Variants in TJP1 observed in about 807,000 individuals in gnomAD.
The protein encoded by TJP1 is tight junction protein ZO-1.
A neutral mutation model predicts 194.2 loss-of-function variants in TJP1; 43 were observed. The observed-to-expected ratio is 0.22, with a 90% CI of 0.17 to 0.29. TJP1 has a LOEUF of 0.29. Among genes scored for constraint, TJP1 ranks in the 10% least tolerant of loss-of-function variants. TJP1 has a pLI of 1.00. For synonymous variants in TJP1, 801 were observed against 779.0 expected (o/e 1.03, Z -0.47); for missense variants, 1,971 against 2,185.7 (o/e 0.90, Z 1.96).
intron 2 of TJP1, among the ~76,000 whole-genome samples, chr15:29,854,541 C>A (rs765160933): frequency 1.3e-5 from 2 of 152,102 alleles, no homozygotes; most frequent in Admixed American, 6.5e-5. Flanking sequence ...AGGGCATCAC[C>A]AGAAGCTGGG....
intron 8 of TJP1, among the ~76,000 whole-genome samples, chr15:29,756,144 A>G (rs556832964): frequency 3.9e-5 from 6 of 152,200 alleles, no homozygotes; most frequent in African/African-American, 1.4e-4. Context: ...TCTCTTTTCA[A>G]TGATACCCAC....
intron 1 of TJP1, chr15:29,968,569 G>A: frequency 1.1e-5 from 9 of 817,708 alleles, no homozygotes; most frequent in Non-Finnish European, 1.3e-5. Context: ...CTCGCCCCCC[G>A]CCCGACCGCC....
intron 16 of TJP1, among the ~76,000 whole-genome samples, chr15:29,727,716 C>A (rs1036971086): frequency 1.3e-5 from 2 of 152,306 alleles, no homozygotes; most frequent in Admixed American, 6.5e-5. Context: ...ATCTAAAAAT[C>A]ATACACTTGT....
At chr15:29,921,681 T>C (rs945729576) in intron 2 of TJP1, among the ~76,000 whole-genome samples, 2 of 152,202 alleles carry the variant, frequency 1.3e-5, no homozygotes, top group African/African-American at 2.4e-5. Flanking sequence ...CTCATTTTGA[T>C]GGATCATATT....
chr15:29,819,958 G>A (rs937699373), intron 1 of TJP1, among the ~76,000 whole-genome samples: 1 of 152,118 alleles, frequency 6.6e-6, no homozygotes, highest in Non-Finnish European at 1.5e-5. Context: ...GATATAAAAA[G>A]GCTACTATTC....
intron 2 of TJP1, among the ~76,000 whole-genome samples, chr15:29,918,571 C>CA (rs2054260368): frequency 6.6e-6 from 1 of 151,912 alleles, no homozygotes; most frequent in African/African-American, 2.4e-5. Context: ...CCCATCATTA[C>CA]AAAAAATTAC....
intron 2 of TJP1, among the ~76,000 whole-genome samples, chr15:29,927,965 T>C (rs2054576761): frequency 6.6e-6 from 1 of 152,110 alleles, no homozygotes. Context: ...AGATTGCTAC[T>C]GCTGCCAAGT....
intron 23 of TJP1, among the ~76,000 whole-genome samples, chr15:29,715,604 C>T (rs570626158): frequency 6.6e-6 from 1 of 152,270 alleles, no homozygotes; most frequent in South Asian, 2.1e-4. Context: ...AGACACAATA[C>T]TATGTGTGAT....
chr15:29,718,191 T>G, intron 21 of TJP1, 73 bp from the exon 22 acceptor site: 1 of 1,587,874 alleles, frequency 6.3e-7, no homozygotes, highest in East Asian at 2.2e-5. Context: ...AGATATCATG[T>G]AATGGCGGAG....
rs993516692 is a variant in TJP1, at chr15:29,858,518, T to C, written c.307-57816A>G. Among the ~76,000 whole-genome samples, 9 of 152,354 alleles carry C rather than the reference T, an allele frequency of 5.9e-5. No individual in the cohort carries two copies. In the South Asian group the frequency reaches 1.0e-3, roughly 18 times the overall value. Reference sequence around the variant, plus strand: ...TAAGGCCATGTGGATACAGTGCTTCTGAAGACAGATAGCCACTGAAGAATT... The same window carrying C: ...TAAGGCCATGTGGATACAGTGCTTCCGAAGACAGATAGCCACTGAAGAATT... On this transcript the variant is annotated intron_variant, in intron 2 of 28. Coordinates refer to the TJP1 transcript ENST00000356107.
intron 4 of TJP1, among the ~76,000 whole-genome samples, chr15:29,770,825 GAAGA>G (rs923162235): frequency 1.3e-5 from 2 of 151,806 alleles, no homozygotes; most frequent in African/African-American, 2.4e-5. Context: ...GTTTATTATT[GAAGA>G]AAGAAGACTT....
chr15:29,760,025 T>C (rs935530961), intron 8 of TJP1: 1 of 506,338 alleles, frequency 2.0e-6, no homozygotes, highest in Non-Finnish European at 3.5e-6. Context: ...TGGTTTTAAT[T>C]TTTTGAGGAA....
Position 29,720,603 on chromosome 15 carries a change from T to G in TJP1, c.2518A>C (p.Thr840Pro). ...YSMYSTDSRH[T>P]SDYEDTDTEG... ...GTGTCTGTGTCTTCATAGTCAGAAG[T>G]GTGTCTACTGTCCGTGCTATACATT... Residue 840 changes from threonine (T) to proline (P), a missense_variant, in exon 19 of 28, where the codon ACT becomes CCT. Coordinates refer to ENST00000614355, the MANE Select transcript of TJP1 (RefSeq NM_001330239.4). 1 of 1,614,158 alleles carries G rather than the reference T, an allele frequency of 6.2e-7. No homozygotes were observed. Among genetic ancestry groups the G allele is most frequent in the Non-Finnish European group, 8.5e-7 (1 of 1,180,036 alleles).
At chr15:29,963,985 A>G (rs2056249925) in intron 1 of TJP1, among the ~76,000 whole-genome samples, 1 of 151,508 alleles carries the variant, frequency 6.6e-6, no homozygotes, top group Non-Finnish European at 1.5e-5. Context: ...TTAGTGCAAA[A>G]CTCAAGACTG....
chr15:29,714,299 C>T (rs890150606), intron 23 of TJP1, among the ~76,000 whole-genome samples: 4 of 151,790 alleles, frequency 2.6e-5, no homozygotes, highest in Non-Finnish European at 4.4e-5. Context: ...AGTGCAGTGG[C>T]GCGATCTCGG....
intron 2 of TJP1, among the ~76,000 whole-genome samples, chr15:29,838,284 G>A (rs540909897): frequency 1.3e-5 from 2 of 152,172 alleles, no homozygotes; most frequent in Non-Finnish European, 2.9e-5. Flanking sequence ...AATTAGCCAG[G>A]TGTGGTGGTG....
Position 29,761,270 on chromosome 15 carries a change from C to A in TJP1, c.879G>T (p.Gln293His). Reference sequence around the variant, plus strand: ...GACCAGAATGATCTGATGCCAGTGACTGAATTTCTGAAATGTCTGTTAATA... The same window carrying A: ...GACCAGAATGATCTGATGCCAGTGAATGAATTTCTGAAATGTCTGTTAATA... ...ASERDDISEI[Q>H]SLASDHSGRS... The change falls in exon 8 of 28, where the codon CAG becomes CAT. Residue 293 changes from glutamine (Q) to histidine (H), a missense_variant. Physicochemically the swap from Gln to His is conservative, Grantham distance 24 (BLOSUM62 0). Transcript: ENST00000614355. 1.2e-6 allele frequency: 2 copies of A among 1,613,572 alleles called. No individual in the cohort carries two copies. Among genetic ancestry groups the A allele is most frequent in the Non-Finnish European group, 1.7e-6 (2 of 1,179,884 alleles).
chr15:29,788,758 G>C (rs2047874513), intron 2 of TJP1, among the ~76,000 whole-genome samples: 1 of 152,198 alleles, frequency 6.6e-6, no homozygotes, highest in South Asian at 2.1e-4. Context: ...TGAAAAAGCA[G>C]AGTAACGACG....
At chr15:29,806,148 G>C (rs2049097451) in intron 1 of TJP1, among the ~76,000 whole-genome samples, 1 of 152,186 alleles carries the variant, frequency 6.6e-6, no homozygotes, top group Non-Finnish European at 1.5e-5. Context: ...AAACCAGTTA[G>C]AAAGTTAGTG....
Sources: gnomAD v4.1 joint callset for allele counts (sites outside exome capture counted in the v4.1 genomes callset) on GRCh38, gnomAD v4.1.1 for gene constraint, MANE v1.5 for transcripts, NCBI Gene and HGNC (gene_info 2026-07-23, HGNC 2026-07-21) for gene names.